INVS: variants seen among roughly 807,000 people sequenced by gnomAD.
The protein encoded by INVS is inversin.
In INVS, 86 loss-of-function variants were observed where a neutral mutation model predicts 108.8. The ratio of observed to expected loss-of-function variants is 0.79; its 90% CI spans 0.66 to 0.95. The LOEUF is 0.95. INVS is among the 40% of genes least tolerant of loss of function. The pLI is 0.00. For synonymous variants in INVS, 455 were observed against 473.5 expected (o/e 0.96, Z 0.51); for missense variants, 1,169 against 1,297.4 (o/e 0.90, Z 1.52).
At chr9:100,161,506 T>A (rs1419100483) in intron 3 of INVS, among the ~76,000 whole-genome samples, 1 of 151,448 alleles carries the variant, frequency 6.6e-6, no homozygotes, top group Non-Finnish European at 1.5e-5. Flanking sequence ...TCACGAAAGG[T>A]AGGAAATTGA....
At chr9:100,274,219 G>A (rs748493402) in intron 12 of INVS, among the ~76,000 whole-genome samples, 1 of 152,062 alleles carries the variant, frequency 6.6e-6, no homozygotes, top group African/African-American at 2.4e-5. Context: ...TTAGCTGGGC[G>A]TGGTGGTTAG....
intron 3 of INVS, among the ~76,000 whole-genome samples, chr9:100,193,100 C>T (rs1037780423): frequency 6.6e-6 from 1 of 151,846 alleles, no homozygotes; most frequent in African/African-American, 2.4e-5. Context: ...ACCTCAGCCT[C>T]CTGAGTAGCT....
Position 100,292,975 on chromosome 9 carries a change from A to T in INVS, c.2718A>T (p.Glu906Asp). The change falls in exon 14 of 17, where the codon GAA (glutamate) becomes GAT (aspartate). Residue 906 changes from glutamate (E) to aspartate (D), a missense_variant. By Grantham distance (45) the Glu-to-Asp change is conservative. Around this residue, in one of 3 missense-constraint regions of INVS, gnomAD observed 533 missense variants for 536.0 expected, o/e 0.99. Transcript: ENST00000262457. ...TCCGACTGCAGATAATTCAGAGAGA[A>T]CGAAGGAGGAAGGAGCTGTTTCGCA... ...VELRLQIIQR[E>D]RRRKELFRKK... The T allele has an allele frequency of 6.2e-7, 1 of 1,613,664 alleles. No homozygotes were observed. Among genetic ancestry groups the T allele is most frequent in the Non-Finnish European group, 8.5e-7 (1 of 1,179,606 alleles).
At chr9:100,197,866 T>C (rs1830424206) in intron 3 of INVS, among the ~76,000 whole-genome samples, 2 of 152,124 alleles carry the variant, frequency 1.3e-5, no homozygotes, top group Non-Finnish European at 2.9e-5. Flanking sequence ...GAGTAGAGTA[T>C]ATTTTTAGTT....
At position 100,241,682 on chromosome 9, in the gene INVS, G is replaced by A. The variant is rs10116033; in HGVS notation, c.797-888G>A. 4.6e-3 allele frequency among the ~76,000 whole-genome samples: 695 copies of A among 152,188 alleles called. 7 individuals are homozygous for A. The highest frequency in any genetic ancestry group is 0.016 in the African/African-American group (650 of 41,512). ...TGATATGTGTTTAGAGTAACTATGT[G>A]GCAAAGATTGTCTTTAATCCCACAT... On this transcript the variant is annotated intron_variant, in intron 6 of 16. Coordinates refer to ENST00000262457, the MANE Select transcript of INVS (RefSeq NM_014425.5).
chr9:100,276,164 T>G (rs959832275), intron 12 of INVS, among the ~76,000 whole-genome samples: 2 of 152,198 alleles, frequency 1.3e-5, no homozygotes, highest in Non-Finnish European at 2.9e-5. Context: ...ACTCTTAAAT[T>G]TTAAATTAAT....
intron 5 of INVS, among the ~76,000 whole-genome samples, chr9:100,232,517 G>A (rs1363251014): frequency 4.6e-5 from 7 of 152,094 alleles, no homozygotes; most frequent in Non-Finnish European, 1.0e-4. Context: ...TCCATCTTGA[G>A]TTAATTTTTT....
At chr9:100,233,289 T>G (rs1831571113) in intron 5 of INVS, among the ~76,000 whole-genome samples, 1 of 152,202 alleles carries the variant, frequency 6.6e-6, no homozygotes. Flanking sequence ...GATGGGGTTA[T>G]CTAAATACAC....
chr9:100,274,007 C>T (rs1157139030), intron 12 of INVS, among the ~76,000 whole-genome samples: 1 of 152,000 alleles, frequency 6.6e-6, no homozygotes, highest in Non-Finnish European at 1.5e-5. Context: ...TTTTTTTGGA[C>T]GATGATACAA....
chr9:100,256,712 G>A (rs1832432525), intron 10 of INVS, among the ~76,000 whole-genome samples: 2 of 152,204 alleles, frequency 1.3e-5, no homozygotes, highest in African/African-American at 4.8e-5. Flanking sequence ...CAGTTTCCAT[G>A]TAGTTGAGTG....
intron 3 of INVS, among the ~76,000 whole-genome samples, chr9:100,159,706 T>C (rs902697415): frequency 3.3e-5 from 5 of 152,224 alleles, no homozygotes; most frequent in Non-Finnish European, 7.3e-5. Flanking sequence ...TAAAATGTTA[T>C]ATCTGAGTTA....
intron 3 of INVS, among the ~76,000 whole-genome samples, chr9:100,143,918 G>A (rs1023969931): frequency 1.3e-5 from 2 of 152,192 alleles, no homozygotes; most frequent in Non-Finnish European, 2.9e-5. Context: ...GTCCGTGATG[G>A]TTTAGGGGGC....
At chr9:100,117,279 C>A in intron 2 of INVS, 1 of 736,666 alleles carries the variant, frequency 1.4e-6, no homozygotes, top group East Asian at 2.5e-5. Context: ...GTGCTCTGGC[C>A]AGCACGGGTC....
intron 13 of INVS, among the ~76,000 whole-genome samples, chr9:100,286,394 A>G (rs1459498252): frequency 6.6e-6 from 1 of 152,124 alleles, no homozygotes; most frequent in Non-Finnish European, 1.5e-5. Flanking sequence ...TCTCTACTAA[A>G]AATATACAAA....
intron 3 of INVS, among the ~76,000 whole-genome samples, chr9:100,147,878 T>C (rs904946637): frequency 5.9e-5 from 9 of 151,938 alleles, no homozygotes; most frequent in African/African-American, 2.2e-4. Flanking sequence ...TATAAATTGC[T>C]AAGAAAATTT....
At chr9:100,131,984 G>A (rs1239854180) in intron 3 of INVS, 46 of 706,012 alleles carry the variant, frequency 6.5e-5, no homozygotes, top group Non-Finnish European at 8.0e-5. Flanking sequence ...TTATTTTGCA[G>A]ATGCACACAC....
At chr9:100,247,416 G>A (rs1272772165) in intron 8 of INVS, among the ~76,000 whole-genome samples, 1 of 152,152 alleles carries the variant, frequency 6.6e-6, no homozygotes, top group South Asian at 2.1e-4. Flanking sequence ...TTCTGCCTCA[G>A]TGTCAACTTG....
At chr9:100,283,035 G>A (rs1369701415) in intron 12 of INVS, among the ~76,000 whole-genome samples, 3 of 152,204 alleles carry the variant, frequency 2.0e-5, no homozygotes, top group South Asian at 2.1e-4. Context: ...TCAGCCGGGC[G>A]CGGTGGCTCA....
chr9:100,262,170 T>C lies in INVS; in HGVS notation c.1465-2652T>C, dbSNP rs571038679. On this transcript the variant is annotated intron_variant, in intron 10 of 16. Transcript: ENST00000262457. ...TTGCGTCTATGTTTATGAGAGAGAT[T>C]GGCCTATAATTTTCCTTTCTTGTAT... 7.2e-5 allele frequency among the ~76,000 whole-genome samples: 11 copies of C among 152,118 alleles called. No homozygotes were observed. The South Asian group carries it at 2.3e-3, about 32-fold the overall frequency.
Sources: gnomAD v4.1 joint callset for allele counts (sites outside exome capture counted in the v4.1 genomes callset) on GRCh38, gnomAD v4.1.1 for gene constraint, gnomAD v4.1.1 regional missense constraint, MANE v1.5 for transcripts, NCBI Gene and HGNC (gene_info 2026-07-23, HGNC 2026-07-21) for gene names.